The following MYH7 variants were observed in gnomAD, a reference collection of about 807,000 sequenced individuals.
The protein encoded by MYH7 is myosin-7.
A neutral mutation model predicts 225.4 loss-of-function variants in MYH7; 129 were observed. The ratio of observed to expected loss-of-function variants is 0.57; its 90% CI spans 0.50 to 0.66. The LOEUF is 0.66. MYH7 is among the 30% of genes least tolerant of loss of function. MYH7 has a pLI of 0.00. For synonymous variants in MYH7, 971 were observed against 1,007.6 expected, an observed-to-expected ratio of 0.96 and a Z score of 0.69; for missense variants, 1,649 against 2,517.0, an observed-to-expected ratio of 0.66 and a Z score of 7.38.
At chr14:23,412,917 T>C in intron 39 of MYH7, 46 bp from the exon 40 acceptor site, 1 of 1,603,678 alleles carries the variant, frequency 6.2e-7, no homozygotes, top group South Asian at 1.1e-5. Context: ...AGAGATGGTA[T>C]TGGGCAGGGA....
Position 23,432,718 on chromosome 14 carries a change from G to T in MYH7, c.423C>A (p.Ala141=), listed in dbSNP as rs761969201. 1.9e-6 allele frequency: 3 copies of T among 1,614,182 alleles called. No individual in the cohort carries two copies. Among genetic ancestry groups the T allele is most frequent in the Admixed American group, 3.3e-5 (2 of 60,026 alleles). The part of the protein sequence containing the change: ...LPVYTPEVVA[A]YRGKKRSEAP... ...CCTCGCTCCTCTTCTTGCCCCGGTA[G>T]GCAGCCACCACCTCAGGAGTGTACA... Residue 141 remains alanine (A), a synonymous_variant, in exon 5 of 40, where the codon GCC becomes GCA. Coordinates refer to ENST00000355349, the MANE Select transcript of MYH7 (RefSeq NM_000257.4).
chr14:23,424,600 T>C (rs1180615622), intron 22 of MYH7, among the ~76,000 whole-genome samples, 169 bp downstream of exon 22: 8 of 152,224 alleles, frequency 5.3e-5, no homozygotes, highest in African/African-American at 1.4e-4. Flanking sequence ...CTTTTCCCTC[T>C]GCCCTTTCCT....
rs1555337294 is a variant in MYH7 at position 23,422,216 on chromosome 14, T to A, written c.3209A>T (p.Glu1070Val). Residue 1070 changes from glutamate (E) to valine (V), a missense_variant, in exon 25 of 40, where the codon GAG (glutamate) becomes GTG (valine). Around this residue, in one of 12 missense-constraint regions of MYH7, gnomAD observed 282 missense variants for 315.3 expected, o/e 0.89. Transcript: ENST00000355349. ...CTCATCCAGCTGCTGCTTGTCATTC[T>A]CCAGGTCCATGATGCTCTCCTGGGT... The part of the protein sequence containing the change: ...KLTQESIMDL[E>V]NDKQQLDERL... The A allele has an allele frequency of 6.2e-7, 1 of 1,613,756 alleles. No homozygotes were observed. Among genetic ancestry groups the A allele is most frequent in the Non-Finnish European group, 8.5e-7 (1 of 1,180,052 alleles).
In MYH7 at chr14:23,423,730, A is replaced by T. The variant is rs746915271; in HGVS notation, c.2923-7T>A. 2 of 1,613,854 alleles carry T rather than the reference A, an allele frequency of 1.2e-6. No individual in the cohort carries two copies. The highest frequency in any genetic ancestry group is 2.7e-5 in the African/African-American group (2 of 74,854). On this transcript the variant is annotated splice_polypyrimidine_tract_variant and splice_region_variant and intron_variant, in intron 23 of 39. Coordinates refer to ENST00000355349, the MANE Select transcript of MYH7 (RefSeq NM_000257.4). ...CCTCTGTCAGGTTTTTCACCTGCCG[A>T]CCAAGAATCCCATCTCCTTTAGGGT...
chr14:23,433,586 G>A lies in MYH7; in HGVS notation c.147C>T (p.Ala49=), dbSNP rs766100117. ...VPDDKQEFVK[A]KIVSREGGKV... ...TGCCACCCTCTCGAGACACGATCTTGGCCTTGACAAACTCCTGTTTGTCAT... is the reference window on the plus strand; with the variant it reads ...TGCCACCCTCTCGAGACACGATCTTAGCCTTGACAAACTCCTGTTTGTCAT... Residue 49 remains alanine, a synonymous_variant, in exon 3 of 40, where the codon GCC becomes GCT. Coordinates refer to ENST00000355349, the MANE Select transcript of MYH7 (RefSeq NM_000257.4). This position sits in a 1 kb window ranked among gnomAD's most constrained non-coding sequence, Gnocchi z 4.1. 2 of 1,614,178 alleles carry A rather than the reference G, an allele frequency of 1.2e-6. No homozygotes were observed. The highest frequency in any genetic ancestry group is 1.7e-6 in the Non-Finnish European group (2 of 1,180,028).
At chr14:23,414,511 G>T (rs576826842) in intron 37 of MYH7, among the ~76,000 whole-genome samples, 13 of 152,260 alleles carry the variant, frequency 8.5e-5, no homozygotes, top group South Asian at 6.2e-4. Flanking sequence ...TCTAAGTTAA[G>T]GACAAAGTGT....
Position 23,419,840 on chromosome 14 carries a change from C to G in MYH7, c.3726+5G>C. 1 of 1,613,888 alleles carries G rather than the reference C, an allele frequency of 6.2e-7. No individual in the cohort carries two copies. On this transcript the variant is annotated splice_donor_5th_base_variant and intron_variant, in intron 27 of 39. Coordinates refer to ENST00000355349, the MANE Select transcript of MYH7 (RefSeq NM_000257.4). Reference sequence around the variant, plus strand: ...TTGGAGGAGGGGAGGCCGAGCAGAGCCTGCCTTGGCCTTGATGATCTGCTC... The same window carrying G: ...TTGGAGGAGGGGAGGCCGAGCAGAGGCTGCCTTGGCCTTGATGATCTGCTC...
rs376754645 is a variant in MYH7 at position 23,425,345 on chromosome 14, C to T, written c.2360G>A (p.Arg787His). The T allele has an allele frequency of 1.7e-4, 274 of 1,614,128 alleles. 1 individual carries two copies. The South Asian group carries it at 2.2e-3, about 13-fold the overall frequency. ...CACACCTCGGGACTGGGCCTGGATA[C>T]GCGTGATGATGCGGCTCAGCCTCTC... ...RDERLSRIITRIQAQSRGVLA... is the reference protein window; with the variant it reads ...RDERLSRIITHIQAQSRGVLA... The change falls in exon 21 of 40, where the codon CGT becomes CAT. Residue 787 changes from arginine to histidine, a missense_variant. Coordinates refer to ENST00000355349, the MANE Select transcript of MYH7 (RefSeq NM_000257.4). This position sits in a 1 kb window ranked among gnomAD's most constrained non-coding sequence, Gnocchi z 4.6.
At chr14:23,417,459 C>T in intron 31 of MYH7, 44 bp downstream of exon 31, 1 of 1,612,242 alleles carries the variant, frequency 6.2e-7, no homozygotes, top group South Asian at 1.1e-5. Context: ...CCCCTCATGC[C>T]CCCTTGCCCT....
intron 39 of MYH7, among the ~76,000 whole-genome samples, 164 bp from the exon 40 acceptor site, chr14:23,413,035 C>T (rs1029112792): frequency 2.6e-5 from 4 of 152,152 alleles, no homozygotes; most frequent in Non-Finnish European, 4.4e-5. Flanking sequence ...GATCGATGTT[C>T]GGGGGGCAAG....
chr14:23,419,288 C>T lies in MYH7; in HGVS notation c.3861G>A (p.Leu1287=), dbSNP rs150292548. The T allele has an allele frequency of 1.2e-6, 2 of 1,614,188 alleles. No homozygotes were observed. The highest frequency in any genetic ancestry group is 1.7e-6 in the Non-Finnish European group (2 of 1,180,034). Residue 1287 remains leucine, a synonymous_variant, in exon 29 of 40, where the codon CTG becomes CTA. Coordinates refer to ENST00000355349, the MANE Select transcript of MYH7 (RefSeq NM_000257.4). ...CCTCCTTCTCATCCAGCTGCCGGGACAGCTCACCTGGGGAAGCACCATTCT... is the reference window on the plus strand; with the variant it reads ...CCTCCTTCTCATCCAGCTGCCGGGATAGCTCACCTGGGGAAGCACCATTCT... The part of the protein sequence containing the change: ...RAKLQTENGE[L]SRQLDEKEAL...
rs758659692 is a variant in MYH7 at position 23,433,722 on chromosome 14, G to C, written c.11C>G (p.Ser4Trp). The part of the protein sequence containing the change: MGD[S>W]EMAVFGAAAP... The stretch of plus-strand genomic sequence containing the variant: ...GGCAGCCCCAAAGACTGCCATCTCC[G>C]AATCTCCCATGGCTGTGCCTGGAGT... Residue 4 changes from serine (S) to tryptophan (W), a missense_variant, in exon 3 of 40, where the codon TCG (serine) becomes TGG (tryptophan). By Grantham distance (177) the Ser-to-Trp change is radical. Transcript: ENST00000355349. This position sits in a 1 kb window ranked among gnomAD's most constrained non-coding sequence, Gnocchi z 4.1. 1 of 1,613,970 alleles carries C rather than the reference G, an allele frequency of 6.2e-7. No homozygotes were observed. Among genetic ancestry groups the C allele is most frequent in the Non-Finnish European group, 8.5e-7 (1 of 1,180,028 alleles).
At chr14:23,424,437 G>A (rs575275827) in intron 22 of MYH7, among the ~76,000 whole-genome samples, 299 of 152,342 alleles carry the variant, frequency 2.0e-3, no homozygotes, top group African/African-American at 6.8e-3. Context: ...AAGCACTTAT[G>A]TATGATGGCT....
chr14:23,423,436 AACAC>A lies in MYH7; in HGVS notation c.3099+107_3099+110del, dbSNP rs61677533. On this transcript the variant is annotated intron_variant, in intron 24 of 39. Coordinates refer to ENST00000355349, the MANE Select transcript of MYH7 (RefSeq NM_000257.4). ...CTACCCCCCTCTAAACATAAACACA[AACAC>A]ACACACACACACACACACACACACA... 0.24 allele frequency: 196,323 copies of A among 811,830 alleles called. 5,181 individuals carry two copies. Among genetic ancestry groups the A allele is most frequent in the Admixed American group, 0.29 (14,589 of 50,148 alleles). 50.3% of individuals were successfully genotyped at this position (811,830 alleles called of 1,614,324 possible). A position where few individuals can be genotyped will look rare whatever the true frequency, so the allele number is the denominator to read the frequency against.
In MYH7 at chr14:23,431,415, C is replaced by T. The variant is rs113793327; in HGVS notation, c.796+3G>A. On this transcript the variant is annotated splice_donor_region_variant and intron_variant, in intron 9 of 39. Transcript: ENST00000355349. ...CTGAGCCTAGCAGATTCATGGCACT[C>T]ACAGGTCTCTATGTCTGCAGATGCC... 6.2e-7 allele frequency: 1 copy of T among 1,613,964 alleles called. No individual in the cohort carries two copies. Among genetic ancestry groups the T allele is most frequent in the Non-Finnish European group, 8.5e-7 (1 of 1,179,830 alleles).
Position 23,419,557 on chromosome 14 carries a change from C to T in MYH7, c.3779G>A (p.Arg1260Gln), listed in dbSNP as rs747308839. 28 of 1,613,784 alleles carry T rather than the reference C, an allele frequency of 1.7e-5. No homozygotes were observed. The highest frequency in any genetic ancestry group is 3.3e-5 in the South Asian group (3 of 91,072). ...ACGCTGGGTCTCCTCCGCCTTGCTCCGGTGCTCATTCATCTGGTCTTCCAA... is the reference window on the plus strand; with the variant it reads ...ACGCTGGGTCTCCTCCGCCTTGCTCTGGTGCTCATTCATCTGGTCTTCCAA... ...RTLEDQMNEH[R>Q]SKAEETQRSV... The change falls in exon 28 of 40, where the codon CGG becomes CAG. Residue 1260 changes from arginine (R) to glutamine (Q), a missense_variant. Physicochemically the swap from Arg to Gln is conservative, Grantham distance 43. This residue lies in a region of MYH7 where 687 missense variants were observed against 913.8 expected (regional missense o/e 0.75). Coordinates refer to ENST00000355349, the MANE Select transcript of MYH7 (RefSeq NM_000257.4).
chr14:23,425,504 C>A lies in MYH7; in HGVS notation c.2287-86G>T. 1.2e-6 allele frequency: 2 copies of A among 1,605,098 alleles called. No homozygotes were observed. The highest frequency in any genetic ancestry group is 1.7e-6 in the Non-Finnish European group (2 of 1,175,956). ...GGATTACCTTAGGAAGGGTAACAGC[C>A]TAGAAAAGGATTGCAGGGAGGAGGT... On this transcript the variant is annotated intron_variant, in intron 20 of 39. Coordinates refer to ENST00000355349, the MANE Select transcript of MYH7 (RefSeq NM_000257.4). This position sits in a 1 kb window ranked among gnomAD's most constrained non-coding sequence, Gnocchi z 4.6.
intron 5 of MYH7, 64 bp from the exon 6 acceptor site, chr14:23,432,570 C>T (rs1892992126): frequency 8.1e-6 from 13 of 1,614,008 alleles, no homozygotes; most frequent in Non-Finnish European, 1.0e-5. Context: ...GGGGCTTCTC[C>T]CTTCCTTCTC....
rs121913627 is a variant in MYH7, at chr14:23,427,657, C to T, written c.1816G>A (p.Val606Met). 5.0e-6 allele frequency: 8 copies of T among 1,614,060 alleles called. No homozygotes were observed. The highest frequency in any genetic ancestry group is 5.1e-6 in the Non-Finnish European group (6 of 1,180,042). Residue 606 changes from valine (V) to methionine (M), a missense_variant, in exon 16 of 40, where the codon GTG becomes ATG. By Grantham distance (21) the Val-to-Met change is conservative (BLOSUM62 1). Transcript: ENST00000355349. ...AGGGAAGACTTCTGATACAAGCCCACGACAGTCTCATTGAGAGGATCCTTG... is the reference window on the plus strand; with the variant it reads ...AGGGAAGACTTCTGATACAAGCCCATGACAGTCTCATTGAGAGGATCCTTG... ...KNKDPLNETV[V>M]GLYQKSSLKL...
Sources: gnomAD v4.1 joint callset for allele counts (sites outside exome capture counted in the v4.1 genomes callset) on GRCh38, gnomAD v4.1.1 for gene constraint, gnomAD v4.1.1 regional missense constraint, Gnocchi (gnomAD v3.1) non-coding constraint, MANE v1.5 for transcripts, NCBI Gene and HGNC (gene_info 2026-07-23, HGNC 2026-07-21) for gene names.